The following STON2 variants were observed in gnomAD, a reference collection of about 807,000 sequenced individuals.
The protein encoded by STON2 is stonin 2.
In STON2, 29 loss-of-function variants were observed where a neutral mutation model predicts 65.7. The observed-to-expected ratio is 0.44, with a 90% confidence interval of 0.33 to 0.60. The LOEUF is 0.60. STON2 is among the 20% of genes least tolerant of loss of function. The pLI is 0.03. For synonymous variants in STON2, 404 were observed against 414.2 expected, an observed-to-expected ratio of 0.98 and a Z score of 0.30; for missense variants, 1,054 against 1,118.1, an observed-to-expected ratio of 0.94 and a Z score of 0.82.
chr14:81,301,847 T>C (rs1895982257), intron 5 of STON2, among the ~76,000 whole-genome samples: 1 of 152,122 alleles, frequency 6.6e-6, no homozygotes, highest in African/African-American at 2.4e-5. Flanking sequence ...TTGCCCAATA[T>C]ACATCTCCTA....
intron 5 of STON2, among the ~76,000 whole-genome samples, chr14:81,285,807 G>A (rs553786179): frequency 1.3e-5 from 2 of 152,104 alleles, no homozygotes; most frequent in East Asian, 3.9e-4. Flanking sequence ...TCCATGTCAT[G>A]TAATATGCCC....
chr14:81,270,578 ATAG>A, intron 7 of STON2, 89 bp downstream of exon 7: 1 of 1,608,882 alleles, frequency 6.2e-7, no homozygotes, highest in Non-Finnish European at 8.5e-7. Context: ...CCAGGCGAAC[ATAG>A]TAAGCATGGC....
In STON2 at chr14:81,371,031, A is replaced by G. The variant is rs750953096; in HGVS notation, c.528T>C (p.Ala176=). 1.4e-5 allele frequency: 22 copies of G among 1,613,460 alleles called. No homozygotes were observed. The East Asian group carries it at 4.0e-4, about 29-fold the overall frequency. Residue 176 remains alanine, a synonymous_variant, in exon 4 of 8, where the codon GCT becomes GCC. Transcript: ENST00000614646. ...AAGCCTGGCCACTCGTCTGCTCCTC[A>G]GCATTGATGAGCTGCAGATCTGTAT... is the stretch of plus-strand genomic sequence containing the variant. The part of the protein sequence containing the change: ...CSYTDLQLIN[A]EEQTSGQASG...
intron 3 of STON2, chr14:81,394,982 T>C (rs535993550): frequency 2.0e-5 from 3 of 152,218 alleles, no homozygotes; most frequent in Non-Finnish European, 2.9e-5. Context: ...TCCAATCACC[T>C]GTGGCATACT....
rs1474952101 is a variant in STON2 at position 81,261,989 on chromosome 14, G to A, written c.*6425C>T. The A allele has an allele frequency of 2.6e-5, 36 of 1,381,972 alleles. No homozygotes were observed. The Middle Eastern group carries it at 1.2e-3, about 46-fold the overall frequency. The allele number at this position is 1,381,972 out of a possible 1,614,324, so 85.6% of individuals were successfully genotyped here. Reference sequence around the variant, plus strand: ...AGAGAGATGTGAAAAGGAAAAAGATGGACCAGGTGATTTTTCCAATCTTCA... The same window carrying A: ...AGAGAGATGTGAAAAGGAAAAAGATAGACCAGGTGATTTTTCCAATCTTCA... On this transcript the variant is annotated 3_prime_UTR_variant, in exon 8 of 8. Transcript: ENST00000614646.
At chr14:81,269,571 T>C in intron 7 of STON2, 1 of 985,306 alleles carries the variant, frequency 1.0e-6, no homozygotes, top group Non-Finnish European at 1.2e-6. Context: ...CACACAACAG[T>C]CAGGTTTGAG....
At chr14:81,379,351 A>G (rs1433318522) in intron 3 of STON2, among the ~76,000 whole-genome samples, 2 of 152,202 alleles carry the variant, frequency 1.3e-5, no homozygotes, top group Non-Finnish European at 2.9e-5. Flanking sequence ...AAGTATTTCT[A>G]AAGTTTATTA....
intron 3 of STON2, among the ~76,000 whole-genome samples, chr14:81,380,256 C>T (rs1392076613): frequency 1.3e-5 from 2 of 152,168 alleles, no homozygotes; most frequent in Non-Finnish European, 2.9e-5. Context: ...TATCACTAAT[C>T]ATTAGGGGAA....
chr14:81,404,560 G>A (rs1167670291), upstream of STON2, among the ~76,000 whole-genome samples: 1 of 152,072 alleles, frequency 6.6e-6, no homozygotes, highest in East Asian at 1.9e-4. Flanking sequence ...CTGGAGTACA[G>A]GGCACTATCA....
rs1234413548 is a variant in STON2, at chr14:81,262,965, A to G, written c.*5449T>C. On this transcript the variant is annotated 3_prime_UTR_variant, in exon 8 of 8. Coordinates refer to ENST00000614646, the MANE Select transcript of STON2 (RefSeq NM_001394390.1). ...AATGGTTTGTGGGGAATTAGCACTT[A>G]GACCTTGGTAATGTTTAGAAATCAT... The G allele has an allele frequency of 2.0e-6, 2 of 985,278 alleles. No homozygotes were observed. The highest frequency in any genetic ancestry group is 3.5e-5 in the African/African-American group (2 of 57,248). 61.0% of individuals were successfully genotyped at this position (985,278 alleles called of 1,614,324 possible).
chr14:81,315,969 C>T (rs539936745), intron 5 of STON2, among the ~76,000 whole-genome samples: 95 of 152,260 alleles, frequency 6.2e-4, no homozygotes, highest in Non-Finnish European at 1.2e-3. Context: ...GGAGCAGACC[C>T]TATATTTTCT....
intron 5 of STON2, among the ~76,000 whole-genome samples, chr14:81,304,662 G>A (rs1167456770): frequency 1.3e-5 from 2 of 152,082 alleles, no homozygotes; most frequent in South Asian, 2.1e-4. Context: ...TGGGAGGCGG[G>A]GGTTGCAGTG....
chr14:81,426,649 C>T (rs982636499), intron 2 of STON2, among the ~76,000 whole-genome samples: 1 of 152,206 alleles, frequency 6.6e-6, no homozygotes, highest in Non-Finnish European at 1.5e-5. Context: ...GATGATGGCA[C>T]TCTACCCCTC....
chr14:81,411,447 C>T (rs1274168072), intron 2 of STON2, among the ~76,000 whole-genome samples: 1 of 152,266 alleles, frequency 6.6e-6, no homozygotes, highest in East Asian at 1.9e-4. Context: ...TGGCTCACGC[C>T]TGTAATCCCA....
intron 4 of STON2, among the ~76,000 whole-genome samples, chr14:81,351,048 A>C (rs1327981668): frequency 6.6e-6 from 1 of 152,194 alleles, no homozygotes; most frequent in African/African-American, 2.4e-5. Context: ...GATTATTTGA[A>C]ATGCTATCTA....
chr14:81,405,636 G>C (rs1278628231), intron 2 of STON2, among the ~76,000 whole-genome samples: 1 of 151,298 alleles, frequency 6.6e-6, no homozygotes, highest in Non-Finnish European at 1.5e-5. Flanking sequence ...GTCTGACCAA[G>C]TGCTGCTCGC....
chr14:81,326,631 G>T (rs1028759285), intron 4 of STON2, among the ~76,000 whole-genome samples: 1 of 152,118 alleles, frequency 6.6e-6, no homozygotes. Flanking sequence ...GGCATTACTC[G>T]TTTAACTAGA....
intron 2 of STON2, among the ~76,000 whole-genome samples, chr14:81,396,580 G>A (rs970534291): frequency 1.3e-5 from 2 of 152,180 alleles, no homozygotes; most frequent in Admixed American, 1.3e-4. Context: ...ACTTCTGTCT[G>A]AAGACATTCA....
intron 5 of STON2, among the ~76,000 whole-genome samples, chr14:81,321,903 G>A (rs913290294): frequency 6.6e-6 from 1 of 152,154 alleles, no homozygotes; most frequent in Non-Finnish European, 1.5e-5. Context: ...AGGCGATCAA[G>A]GCCCTTTGAT....
Sources: allele counts gnomAD v4.1 joint callset (sites outside exome capture counted in the v4.1 genomes callset), GRCh38; gene constraint gnomAD v4.1.1; transcripts MANE v1.5; gene names NCBI Gene and HGNC (gene_info 2026-07-23, HGNC 2026-07-21).